NYAP2: variants seen among roughly 807,000 people sequenced by gnomAD.
The protein encoded by NYAP2 is neuronal tyrosine-phosphorylated phosphoinositide-3-kinase adapter 2.
Under a neutral mutation model 50.4 loss-of-function variants are expected in NYAP2, and 23 were observed. That is an observed-to-expected ratio of 0.46 (90% CI 0.33 to 0.65). The LOEUF (loss-of-function observed/expected upper bound fraction) is 0.65. Ranked by LOEUF, NYAP2 falls within the 30% of genes least tolerant of loss-of-function variation. NYAP2 has a pLI of 0.02. For missense variants in NYAP2, 885 were observed against 861.0 expected, an observed-to-expected ratio of 1.03 and a Z score of -0.35; for synonymous variants, 394 against 365.2, an observed-to-expected ratio of 1.08 and a Z score of -0.90.
At chr2:225,421,376 T>G (rs1695212221) in intron 3 of NYAP2, among the ~76,000 whole-genome samples, 1 of 152,238 alleles carries the variant, frequency 6.6e-6, no homozygotes, top group Admixed American at 6.5e-5. Flanking sequence ...TTCTAGGTTA[T>G]TTTTAGGAGA....
At chr2:225,420,373 G>A (rs1266346318) in intron 3 of NYAP2, among the ~76,000 whole-genome samples, 1 of 152,054 alleles carries the variant, frequency 6.6e-6, no homozygotes, top group Non-Finnish European at 1.5e-5. Flanking sequence ...GAATTATGAA[G>A]ATAAAATGCC....
chr2:225,521,224 G>T (rs1285534732), intron 4 of NYAP2, among the ~76,000 whole-genome samples: 3 of 151,752 alleles, frequency 2.0e-5, no homozygotes, highest in Admixed American at 1.3e-4. Flanking sequence ...TGCAAACAGG[G>T]ACAATTTGAC....
rs188740108 is a variant in NYAP2 at position 225,537,230 on chromosome 2, T to C, written c.523+23558T>C. Among the ~76,000 whole-genome samples, 726 of 152,312 alleles carry C rather than the reference T, an allele frequency of 4.8e-3. 4 individuals are homozygous for C. The highest frequency in any genetic ancestry group is 7.7e-3 in the Non-Finnish European group (527 of 68,026). ...ACAAATAAGTGAGATCATGTGCAGT[T>C]TGTCTTTCTGTGCCTGGCTCATTTC... is the stretch of plus-strand genomic sequence containing the variant. On this transcript the variant is annotated intron_variant, in intron 4 of 6. Transcript: ENST00000636099.
chr2:225,608,051 T>C, intron 5 of NYAP2, among the ~76,000 whole-genome samples: 1 of 152,058 alleles, frequency 6.6e-6, no homozygotes, highest in Non-Finnish European at 1.5e-5. Context: ...GACCAGACAA[T>C]GAGGTTGGTT....
intron 3 of NYAP2, among the ~76,000 whole-genome samples, chr2:225,430,498 A>G (rs1461811558): frequency 6.6e-6 from 1 of 152,190 alleles, no homozygotes; most frequent in Non-Finnish European, 1.5e-5. Context: ...TGCTTCTGTT[A>G]TGGTGGATGA....
At chr2:225,595,685 GGCATC>G (rs926676831) in intron 5 of NYAP2, among the ~76,000 whole-genome samples, 8 of 151,486 alleles carry the variant, frequency 5.3e-5, no homozygotes, top group Non-Finnish European at 1.2e-4. Context: ...AATTCATTTT[GGCATC>G]TGAACCAAGC....
chr2:225,516,672 T>G (rs1465808614), intron 4 of NYAP2, among the ~76,000 whole-genome samples: 1 of 152,154 alleles, frequency 6.6e-6, no homozygotes, highest in Non-Finnish European at 1.5e-5. Context: ...AGGAGAAAAC[T>G]CTTGAGTCCA....
intron 3 of NYAP2, among the ~76,000 whole-genome samples, chr2:225,429,953 C>G (rs973175077): frequency 5.9e-5 from 9 of 152,206 alleles, no homozygotes; most frequent in South Asian, 2.1e-4. Flanking sequence ...CACACAGCCT[C>G]CTGGTCATGT....
intron 3 of NYAP2, among the ~76,000 whole-genome samples, chr2:225,506,783 C>T (rs1358134897): frequency 2.0e-5 from 3 of 152,220 alleles, no homozygotes; most frequent in Admixed American, 6.5e-5. Flanking sequence ...GTGACAGTGG[C>T]CCACCTGCCC....
At chr2:225,420,041 A>G (rs1695191274) in intron 3 of NYAP2, among the ~76,000 whole-genome samples, 1 of 152,240 alleles carries the variant, frequency 6.6e-6, no homozygotes, top group Non-Finnish European at 1.5e-5. Flanking sequence ...TGGTAGGTTT[A>G]GTCTTAATTA....
chr2:225,641,774 G>C (rs2106266389), intron 6 of NYAP2, among the ~76,000 whole-genome samples: 1 of 152,054 alleles, frequency 6.6e-6, no homozygotes, highest in East Asian at 1.9e-4. Context: ...AGCCAATATT[G>C]TGCCACTGGA....
intron 4 of NYAP2, among the ~76,000 whole-genome samples, chr2:225,526,842 TAGG>T (rs1691160239): frequency 6.6e-6 from 1 of 152,186 alleles, no homozygotes; most frequent in Non-Finnish European, 1.5e-5. Context: ...GGAAAGGATG[TAGG>T]AGATTATAAC....
chr2:225,636,628 G>T (rs760951175), intron 6 of NYAP2, among the ~76,000 whole-genome samples: 3 of 152,066 alleles, frequency 2.0e-5, no homozygotes, highest in African/African-American at 7.2e-5. Context: ...TTATCAAGAA[G>T]TAAAGTCAAT....
At chr2:225,453,831 C>A in intron 3 of NYAP2, among the ~76,000 whole-genome samples, 1 of 141,322 alleles carries the variant, frequency 7.1e-6, no homozygotes. Flanking sequence ...CCACGCCCGG[C>A]TAATTTTTTT....
chr2:225,541,919 A>G, intron 4 of NYAP2, among the ~76,000 whole-genome samples: 1 of 152,190 alleles, frequency 6.6e-6, no homozygotes, highest in East Asian at 1.9e-4. Flanking sequence ...CCAATCCATG[A>G]ACATGGAATA....
chr2:225,436,757 AAAG>A lies in NYAP2; in HGVS notation c.221+27658_221+27660del, dbSNP rs1689385805. 3.4e-5 allele frequency among the ~76,000 whole-genome samples: 5 copies of A among 145,650 alleles called. No individual in the cohort carries two copies. In the South Asian group the frequency reaches 1.1e-3, roughly 31 times the overall value. The stretch of plus-strand genomic sequence containing the variant: ...GTATAGTCAAAAAAAAAAAAAAAAA[AAAG>A]AGAGAAGAAGAAGAAGAAGCCTCCT... On this transcript the variant is annotated intron_variant, in intron 3 of 6. Transcript: ENST00000636099.
intron 3 of NYAP2, among the ~76,000 whole-genome samples, chr2:225,419,359 C>T (rs1281920119): frequency 6.6e-6 from 1 of 152,158 alleles, no homozygotes; most frequent in Non-Finnish European, 1.5e-5. Flanking sequence ...AGTTGATGCA[C>T]ATTGGGGATG....
the NYAP2 span, among the ~76,000 whole-genome samples, chr2:225,668,117 T>C: frequency 6.6e-6 from 1 of 152,220 alleles, no homozygotes. Flanking sequence ...AGTTTCTTTC[T>C]TTGTTTCTCC....
chr2:225,590,506 G>A (rs1692480490), intron 5 of NYAP2, among the ~76,000 whole-genome samples: 1 of 152,162 alleles, frequency 6.6e-6, no homozygotes, highest in Non-Finnish European at 1.5e-5. Context: ...TTAGGCCTGG[G>A]ATGTTGACTG....
Sources: allele counts gnomAD v4.1 joint callset (sites outside exome capture counted in the v4.1 genomes callset), GRCh38; gene constraint gnomAD v4.1.1; transcripts MANE v1.5; gene names NCBI Gene and HGNC (gene_info 2026-07-23, HGNC 2026-07-21).